TRAPPC9: variants seen among roughly 807,000 people sequenced by gnomAD.
TRAPPC9 encodes the protein IKK2 binding protein.
Under a neutral mutation model 124.0 loss-of-function variants are expected in TRAPPC9, and 83 were observed. The ratio of observed to expected loss-of-function variants is 0.67; its 90% CI spans 0.56 to 0.80. TRAPPC9 has a LOEUF of 0.80. TRAPPC9 is among the 30% of genes least tolerant of loss of function. The pLI is 0.00. For synonymous variants in TRAPPC9, 638 were observed against 617.5 expected, an observed-to-expected ratio of 1.03 and a Z score of -0.49; for missense variants, 1,302 against 1,508.3, an observed-to-expected ratio of 0.86 and a Z score of 2.27.
chr8:139,906,721 C>T (rs1452728056), intron 20 of TRAPPC9, among the ~76,000 whole-genome samples: 5 of 152,242 alleles, frequency 3.3e-5, no homozygotes, highest in South Asian at 4.2e-4. Context: ...TGTGGTCCCT[C>T]GGCACTTTTT....
intron 19 of TRAPPC9, among the ~76,000 whole-genome samples, chr8:139,959,593 A>C (rs1201097447): frequency 6.6e-6 from 1 of 152,176 alleles, no homozygotes; most frequent in Non-Finnish European, 1.5e-5. Flanking sequence ...ACCCCTCCCC[A>C]GTGGCTCCCT....
intron 17 of TRAPPC9, among the ~76,000 whole-genome samples, chr8:140,210,319 C>T (rs2063027915): frequency 6.6e-6 from 1 of 152,260 alleles, no homozygotes; most frequent in Admixed American, 6.5e-5. Flanking sequence ...CCCCGCCTCA[C>T]AGGTCTGTGG....
chr8:140,201,252 TC>T (rs1366696545), intron 17 of TRAPPC9, among the ~76,000 whole-genome samples: 1 of 152,212 alleles, frequency 6.6e-6, no homozygotes, highest in African/African-American at 2.4e-5. Context: ...CCAGTTTGCT[TC>T]CTCTAAGCTG....
At chr8:140,420,062 C>A (rs1231808345) in intron 5 of TRAPPC9, among the ~76,000 whole-genome samples, 1 of 151,948 alleles carries the variant, frequency 6.6e-6, no homozygotes, top group Non-Finnish European at 1.5e-5. Context: ...TTGCAATGAA[C>A]CATGTGACAA....
In TRAPPC9 at chr8:139,730,670, T is replaced by G; in HGVS notation, c.*391A>C. ...GTCTCATGCTCACCATTTCTTTCTA[T>G]GGCCAAAGGGAAGTCGCTGGACGAG... is the stretch of plus-strand genomic sequence containing the variant. On this transcript the variant is annotated 3_prime_UTR_variant, in exon 23 of 23. Transcript: ENST00000438773. 1 of 239,910 alleles carries G rather than the reference T, an allele frequency of 4.2e-6. No individual in the cohort carries two copies. Among genetic ancestry groups the G allele is most frequent in the Non-Finnish European group, 8.2e-6 (1 of 121,788 alleles). 14.9% of individuals were successfully genotyped at this position (239,910 alleles called of 1,614,324 possible).
At chr8:139,924,799 G>A (rs372065541) in intron 19 of TRAPPC9, among the ~76,000 whole-genome samples, 4 of 152,202 alleles carry the variant, frequency 2.6e-5, no homozygotes, top group South Asian at 2.1e-4. Context: ...CTCCTGGACC[G>A]TGAATTCTAC....
At position 140,366,247 on chromosome 8, in the gene TRAPPC9, TA is replaced by T. The variant is rs2068104790; in HGVS notation, c.1351+4716del. Among the ~76,000 whole-genome samples, 8 of 152,354 alleles carry T rather than the reference TA, an allele frequency of 5.3e-5. No individual in the cohort carries two copies. In the South Asian group the frequency reaches 1.7e-3, roughly 32 times the overall value. ...ATGAACACACCTGTCCATGTGTCTT[TA>T]TAATAGAATGATTTAAAGAAATATA... is the stretch of plus-strand genomic sequence containing the variant. On this transcript the variant is annotated intron_variant, in intron 8 of 22. Coordinates refer to ENST00000438773, the MANE Select transcript of TRAPPC9 (RefSeq NM_001160372.4).
At chr8:139,960,413 G>A (rs563984080) in intron 19 of TRAPPC9, among the ~76,000 whole-genome samples, 85 of 152,250 alleles carry the variant, frequency 5.6e-4, no homozygotes, top group East Asian at 2.3e-3. Context: ...CCGACACCCC[G>A]TGTTCCAGAG....
chr8:140,457,895 AGGGAGGGAGGGGACATG>A, upstream of TRAPPC9: 1 of 347,382 alleles, frequency 2.9e-6, no homozygotes, highest in South Asian at 2.7e-5. Context: ...AAGAGGGGAC[AGGGAGGGAGGGGACATG>A]GGGAGGGAGG....
intron 17 of TRAPPC9, among the ~76,000 whole-genome samples, chr8:140,057,192 A>G (rs2132118009): frequency 1.3e-5 from 2 of 152,322 alleles, no homozygotes; most frequent in South Asian, 4.1e-4. Flanking sequence ...AATGACAAGT[A>G]TTAGTGAGGA....
chr8:140,005,278 G>A (rs1228343349), intron 18 of TRAPPC9, among the ~76,000 whole-genome samples: 1 of 152,148 alleles, frequency 6.6e-6, no homozygotes, highest in African/African-American at 2.4e-5. Flanking sequence ...GTGACACCAG[G>A]GACTCTGACT....
chr8:140,035,630 G>C (rs900567994), intron 17 of TRAPPC9, among the ~76,000 whole-genome samples: 1 of 152,166 alleles, frequency 6.6e-6, no homozygotes, highest in Non-Finnish European at 1.5e-5. Flanking sequence ...ACTGTCGTTC[G>C]GCAAGGTGAG....
At chr8:140,029,105 T>C (rs1026523697) in intron 17 of TRAPPC9, among the ~76,000 whole-genome samples, 3 of 152,208 alleles carry the variant, frequency 2.0e-5, no homozygotes, top group Non-Finnish European at 4.4e-5. Flanking sequence ...TTTGTGTCAA[T>C]AGATTCAACA....
At chr8:140,295,039 T>C (rs1337997367) in intron 11 of TRAPPC9, among the ~76,000 whole-genome samples, 1 of 152,172 alleles carries the variant, frequency 6.6e-6, no homozygotes, top group Non-Finnish European at 1.5e-5. Context: ...AATTAGCCTC[T>C]CTGAAACCCC....
intron 2 of TRAPPC9, among the ~76,000 whole-genome samples, chr8:140,446,301 A>AAAAC (rs2071253617): frequency 6.6e-6 from 1 of 151,542 alleles, no homozygotes; most frequent in Non-Finnish European, 1.5e-5. Context: ...CTCAAAAAAA[A>AAAAC]AAAAAAAAAA....
chr8:139,757,584 T>A (rs1819937774), intron 21 of TRAPPC9, among the ~76,000 whole-genome samples: 1 of 151,978 alleles, frequency 6.6e-6, no homozygotes, highest in Non-Finnish European at 1.5e-5. Context: ...GGATGGCATG[T>A]CGCAGGGGCC....
At chr8:140,254,289 A>C (rs1004665889) in intron 15 of TRAPPC9, among the ~76,000 whole-genome samples, 1 of 152,198 alleles carries the variant, frequency 6.6e-6, no homozygotes, top group African/African-American at 2.4e-5. Flanking sequence ...GTTCCCTGCC[A>C]GCCTGGAAGG....
rs1045298458 is a variant in TRAPPC9 at position 139,742,662 on chromosome 8, G to C, written c.3056-10460C>G. On this transcript the variant is annotated intron_variant, in intron 21 of 22. Coordinates refer to ENST00000438773, the MANE Select transcript of TRAPPC9 (RefSeq NM_001160372.4). This position sits in a 1 kb window ranked among gnomAD's most constrained non-coding sequence, Gnocchi z 4.7. ...GTTAGGGAGCCAGGAGATGGGGCCAGATGGAGACCAGACCTTCAGGACATG... is the reference window on the plus strand; with the variant it reads ...GTTAGGGAGCCAGGAGATGGGGCCACATGGAGACCAGACCTTCAGGACATG... Among the ~76,000 whole-genome samples the C allele has an allele frequency of 1.3e-5, 2 of 152,216 alleles. No homozygotes were observed. The highest frequency in any genetic ancestry group is 2.9e-5 in the Non-Finnish European group (2 of 68,046).
At chr8:140,082,258 T>C (rs1041017529) in intron 17 of TRAPPC9, 8 of 151,944 alleles carry the variant, frequency 5.3e-5, no homozygotes, top group African/African-American at 1.2e-4. Flanking sequence ...TTTTTTTTTT[T>C]CCCTAAGAAT....
Sources: allele counts gnomAD v4.1 joint callset (sites outside exome capture counted in the v4.1 genomes callset), GRCh38; gene constraint gnomAD v4.1.1; non-coding constraint Gnocchi (gnomAD v3.1); transcripts MANE v1.5; gene names NCBI Gene and HGNC (gene_info 2026-07-23, HGNC 2026-07-21).